The following SPAG16 variants were observed in gnomAD, a reference collection of about 807,000 sequenced individuals.
SPAG16 encodes sperm-associated antigen 16 protein.
A neutral mutation model predicts 80.4 loss-of-function variants in SPAG16; 86 were observed. The ratio of observed to expected loss-of-function variants is 1.07; its 90% CI spans 0.90 to 1.28. SPAG16 has a LOEUF of 1.28. SPAG16 is among the 50% of genes most tolerant of loss of function. SPAG16 has a pLI of 0.00. For missense variants in SPAG16, 870 were observed against 765.3 expected, an observed-to-expected ratio of 1.14 and a Z score of -1.61; for synonymous variants, 294 against 265.9, an observed-to-expected ratio of 1.11 and a Z score of -1.03.
At chr2:213,949,179 T>TTTTTTTTGTTTTTTTTTTTTTTTTG (rs1553677663) in intron 12 of SPAG16, among the ~76,000 whole-genome samples, 1 of 36,264 alleles carries the variant, frequency 2.8e-5, no homozygotes, top group Non-Finnish European at 5.5e-5. Context: ...GTTTTTTTTT[T>TTTTTTTTGTTTTTTTTTTTTTTTTG]TTTTTTTTTT....
chr2:213,297,978 C>G (rs144248873), intron 3 of SPAG16, among the ~76,000 whole-genome samples: 1 of 152,088 alleles, frequency 6.6e-6, no homozygotes, highest in Non-Finnish European at 1.5e-5. Flanking sequence ...TGTTTAACCC[C>G]TTTACTACAG....
At chr2:213,324,326 G>C (rs941985666) in intron 5 of SPAG16, among the ~76,000 whole-genome samples, 4 of 151,982 alleles carry the variant, frequency 2.6e-5, no homozygotes, top group Non-Finnish European at 5.9e-5. Flanking sequence ...ATATGTCTTA[G>C]CTATATAATT....
intron 10 of SPAG16, among the ~76,000 whole-genome samples, chr2:213,646,020 C>G (rs2062809377): frequency 6.6e-6 from 1 of 152,198 alleles, no homozygotes; most frequent in Non-Finnish European, 1.5e-5. Context: ...GTTTTCTTTT[C>G]TGTTCTAACA....
At chr2:214,192,793 T>C (rs1248478309) in intron 15 of SPAG16, among the ~76,000 whole-genome samples, 2 of 152,140 alleles carry the variant, frequency 1.3e-5, no homozygotes, top group African/African-American at 4.8e-5. Flanking sequence ...CCATATATGA[T>C]TATTACTCTC....
At chr2:213,332,543 A>G (rs888862186) in intron 5 of SPAG16, among the ~76,000 whole-genome samples, 1 of 152,098 alleles carries the variant, frequency 6.6e-6, no homozygotes, top group Non-Finnish European at 1.5e-5. Flanking sequence ...TACAAGACCC[A>G]TATTACCCTG....
intron 9 of SPAG16, among the ~76,000 whole-genome samples, chr2:213,405,649 C>T (rs1035079806): frequency 1.3e-5 from 2 of 152,300 alleles, no homozygotes; most frequent in Non-Finnish European, 2.9e-5. Context: ...TTTTCCCAGT[C>T]TCTGGTAACC....
intron 10 of SPAG16, among the ~76,000 whole-genome samples, chr2:213,645,505 G>T (rs1272914322): frequency 6.6e-6 from 1 of 152,184 alleles, no homozygotes; most frequent in East Asian, 1.9e-4. Flanking sequence ...CTTCAAGGCA[G>T]TGGGTTCTTT....
chr2:213,841,084 A>G (rs1050877722), intron 10 of SPAG16, among the ~76,000 whole-genome samples: 1 of 152,130 alleles, frequency 6.6e-6, no homozygotes, highest in Admixed American at 6.5e-5. Context: ...TGCAATACAC[A>G]CAAAGGACAT....
chr2:214,080,749 A>G (rs1378963162), intron 13 of SPAG16, among the ~76,000 whole-genome samples: 3 of 152,204 alleles, frequency 2.0e-5, no homozygotes, highest in African/African-American at 4.8e-5. Flanking sequence ...TTCAAGACAC[A>G]AGCTTTTCAG....
intron 10 of SPAG16, among the ~76,000 whole-genome samples, chr2:213,767,200 T>G (rs367926168): frequency 4.5e-4 from 69 of 152,346 alleles, no homozygotes; most frequent in African/African-American, 1.6e-3. Flanking sequence ...CATCAATGAT[T>G]TAAGTTGTCT....
intron 11 of SPAG16, among the ~76,000 whole-genome samples, chr2:213,915,207 GC>G: frequency 6.6e-6 from 1 of 151,776 alleles, no homozygotes; most frequent in East Asian, 1.9e-4. Flanking sequence ...GTATACATGT[GC>G]CATGGTGGTT....
chr2:214,022,437 A>G (rs2047920306), intron 13 of SPAG16, among the ~76,000 whole-genome samples: 1 of 152,186 alleles, frequency 6.6e-6, no homozygotes, highest in South Asian at 2.1e-4. Context: ...CATTTGTAAA[A>G]TGTGCATAGT....
intron 13 of SPAG16, among the ~76,000 whole-genome samples, chr2:214,014,772 G>A (rs1399596926): frequency 2.6e-5 from 4 of 152,114 alleles, no homozygotes; most frequent in Admixed American, 6.5e-5. Context: ...AACTATTTCC[G>A]AGAGAATTAA....
chr2:214,330,878 C>A (rs1696868585), intron 15 of SPAG16, among the ~76,000 whole-genome samples: 1 of 152,180 alleles, frequency 6.6e-6, no homozygotes, highest in Non-Finnish European at 1.5e-5. Flanking sequence ...CTTCTCAGAT[C>A]TCCTTACTTC....
At chr2:213,603,913 A>G (rs1364325586) in intron 10 of SPAG16, among the ~76,000 whole-genome samples, 1 of 150,372 alleles carries the variant, frequency 6.7e-6, no homozygotes, top group Admixed American at 6.6e-5. Flanking sequence ...TCTCTTACCC[A>G]AAGACTTCCT....
At chr2:214,052,012 T>C (rs531485589) in intron 13 of SPAG16, among the ~76,000 whole-genome samples, 10 of 152,354 alleles carry the variant, frequency 6.6e-5, no homozygotes, top group South Asian at 4.1e-4. Context: ...TTAATAGATA[T>C]TGAATAGAAA....
Position 213,567,603 on chromosome 2 carries a change from G to T in SPAG16, c.1070+77513G>T, listed in dbSNP as rs1346775483. On this transcript the variant is annotated intron_variant, in intron 10 of 15. Coordinates refer to ENST00000331683, the MANE Select transcript of SPAG16 (RefSeq NM_024532.5). ...CTGCATAGTATTCCATGGTGTATAT[G>T]TGCCACATTTTCTTAATCCAGTCTA... Among the ~76,000 whole-genome samples, 359 of 77,150 alleles carry T rather than the reference G, an allele frequency of 4.7e-3. 10 individuals carry two copies. The highest frequency in any genetic ancestry group is 0.025 in the African/African-American group (342 of 13,652). The allele number at this position is 77,150 out of a possible 152,430, so 50.6% of individuals were successfully genotyped here.
At chr2:213,614,898 T>C (rs939377281) in intron 10 of SPAG16, among the ~76,000 whole-genome samples, 1 of 152,232 alleles carries the variant, frequency 6.6e-6, no homozygotes, top group Non-Finnish European at 1.5e-5. Flanking sequence ...TTTTACCCAA[T>C]GATGGGGTAG....
At chr2:213,562,340 C>T (rs1322340876) in intron 10 of SPAG16, among the ~76,000 whole-genome samples, 3 of 152,152 alleles carry the variant, frequency 2.0e-5, no homozygotes, top group Non-Finnish European at 4.4e-5. Context: ...TCTGAAGACT[C>T]TGATCTTTAG....
Sources: allele counts gnomAD v4.1 joint callset (sites outside exome capture counted in the v4.1 genomes callset), GRCh38; gene constraint gnomAD v4.1.1; transcripts MANE v1.5; gene names NCBI Gene and HGNC (gene_info 2026-07-23, HGNC 2026-07-21).